Variants in TULP4 observed in about 807,000 individuals in gnomAD.
TULP4 encodes tubby-related protein 4.
TULP4 carries 16 observed loss-of-function variants against 129.0 expected under a neutral mutation model. The observed-to-expected ratio is 0.12, with a 90% CI of 0.08 to 0.19. The LOEUF (loss-of-function observed/expected upper bound fraction) is 0.19. TULP4 is among the 10% of genes least tolerant of loss of function. TULP4 has a pLI of 1.00. For missense variants in TULP4, 1,842 were observed against 2,059.1 expected (o/e 0.89, Z 2.04); for synonymous variants, 998 against 854.0 (o/e 1.17, Z -2.94).
chr6:158,438,874 T>G (rs1778815736), intron 3 of TULP4, among the ~76,000 whole-genome samples: 1 of 152,118 alleles, frequency 6.6e-6, no homozygotes, highest in Non-Finnish European at 1.5e-5. Context: ...AGATTTATAA[T>G]GAAAAGTAAT....
At position 158,493,580 on chromosome 6, in the gene TULP4, A is replaced by G; in HGVS notation, c.1639A>G (p.Ile547Val). 6.5e-7 allele frequency: 1 copy of G among 1,536,980 alleles called. No homozygotes were observed. The highest frequency in any genetic ancestry group is 8.8e-7 in the Non-Finnish European group (1 of 1,142,340). ...SKSPKLPRIS[I>V]EARKSPKLPR... ...CTGGCCTTGCCTCCCCAGGATCAGC[A>G]TTGAGGCCCGCAAGTCACCCAAGCT... The change falls in exon 10 of 14, where the codon ATT becomes GTT. Residue 547 changes from isoleucine to valine, a missense_variant. By Grantham distance (29) the Ile-to-Val change is conservative. Coordinates refer to ENST00000367097, the MANE Select transcript of TULP4 (RefSeq NM_020245.5). This position sits in a 1 kb window ranked among gnomAD's most constrained non-coding sequence, Gnocchi z 4.4.
intron 1 of TULP4, among the ~76,000 whole-genome samples, chr6:158,253,612 C>A (rs1778186351): frequency 6.6e-6 from 1 of 151,600 alleles, no homozygotes; most frequent in Admixed American, 6.6e-5. Flanking sequence ...TGAGCTTTCT[C>A]ATGGGTGACC....
Position 158,502,378 on chromosome 6 carries a change from C to G in TULP4, c.2715C>G (p.Thr905=), listed in dbSNP as rs778918038. The G allele has an allele frequency of 2.5e-6, 4 of 1,613,730 alleles. No individual in the cohort carries two copies. The highest frequency in any genetic ancestry group is 3.4e-6 in the Non-Finnish European group (4 of 1,179,980). Residue 905 remains threonine, a synonymous_variant, in exon 13 of 14, where the codon ACC becomes ACG. Coordinates refer to ENST00000367097, the MANE Select transcript of TULP4 (RefSeq NM_020245.5). Reference sequence around the variant, plus strand: ...TGGAGGAGGTGTGCCGGCCCCGCACCCGGATGCTGTGCTCCCAGAACACGT... The same window carrying G: ...TGGAGGAGGTGTGCCGGCCCCGCACGCGGATGCTGTGCTCCCAGAACACGT... ...GNVEEVCRPR[T]RMLCSQNTYT...
At chr6:158,235,059 TGA>T (rs1425062885) in intron 1 of TULP4, among the ~76,000 whole-genome samples, 2 of 151,936 alleles carry the variant, frequency 1.3e-5, no homozygotes, top group Non-Finnish European at 2.9e-5. Flanking sequence ...CCCAGCTACC[TGA>T]GAGGCAGAGG....
intron 1 of TULP4, among the ~76,000 whole-genome samples, chr6:158,352,307 T>G (rs554969044): frequency 6.6e-6 from 1 of 152,366 alleles, no homozygotes; most frequent in South Asian, 2.1e-4. Context: ...AATTAAAGGA[T>G]ATAAAGTGGT....
At chr6:158,326,866 T>C (rs1490721940) in intron 1 of TULP4, among the ~76,000 whole-genome samples, 1 of 152,198 alleles carries the variant, frequency 6.6e-6, no homozygotes, top group African/African-American at 2.4e-5. Flanking sequence ...ATATGTGGAA[T>C]TTTTTCAATC....
At chr6:158,481,346 A>G (rs1316484247) in intron 8 of TULP4, 57 bp downstream of exon 8, 3 of 1,468,308 alleles carry the variant, frequency 2.0e-6, no homozygotes, top group Non-Finnish European at 1.9e-6. Context: ...TGGGCTGTTA[A>G]CGCCTTACAC....
intron 5 of TULP4, among the ~76,000 whole-genome samples, chr6:158,460,994 G>A (rs1235628648): frequency 2.0e-5 from 3 of 151,782 alleles, no homozygotes; most frequent in African/African-American, 7.3e-5. Context: ...AACTTTATTA[G>A]ATCATGATTT....
chr6:158,428,494 T>C (rs1778554721), intron 2 of TULP4: 1 of 152,246 alleles, frequency 6.6e-6, no homozygotes, highest in African/African-American at 2.4e-5. Context: ...TAGTATGATA[T>C]GTAAAAATCC....
intron 1 of TULP4, among the ~76,000 whole-genome samples, chr6:158,376,515 C>A (rs1183874467): frequency 6.6e-6 from 1 of 152,224 alleles, no homozygotes; most frequent in African/African-American, 2.4e-5. Flanking sequence ...AGTCACACAA[C>A]ATCTCCTCCA....
chr6:158,504,493 C>A (rs1780552061), intron 13 of TULP4, among the ~76,000 whole-genome samples: 1 of 151,638 alleles, frequency 6.6e-6, no homozygotes, highest in South Asian at 2.1e-4. Flanking sequence ...ACTACACGTG[C>A]CCGCCACCAT....
rs1779411438 is a variant in TULP4, at chr6:158,313,486, G to A, written c.-531G>A. 1 of 400,348 alleles carries A rather than the reference G, an allele frequency of 2.5e-6. No homozygotes were observed. Among genetic ancestry groups the A allele is most frequent in the Non-Finnish European group, 4.4e-6 (1 of 227,382 alleles). The allele number at this position is 400,348 out of a possible 1,614,324, so 24.8% of individuals were successfully genotyped here. ...AACATGCTAGAGGGTGGCTTCAGAA[G>A]GAAGATGATCCTGTGTATTCTGTCT... On this transcript the variant is annotated 5_prime_UTR_variant, in exon 1 of 14. Transcript: ENST00000367097.
rs1778604502 is a variant in TULP4 at position 158,274,488 on chromosome 6, C to T, written n.69-37563C>T. The stretch of plus-strand genomic sequence containing the variant: ...ACCAGAACATTTCATTTAAACCTTC[C>T]AGTGGCGGCCGGGCGCAGTGGCTCA... On this transcript the variant is annotated intron_variant and non_coding_transcript_variant, in intron 1 of 1. Transcript: ENST00000620026. Among the ~76,000 whole-genome samples, 3 of 152,088 alleles carry T rather than the reference C, an allele frequency of 2.0e-5. No homozygotes were observed. In the South Asian group the frequency reaches 6.2e-4, roughly 32 times the overall value.
At chr6:158,329,070 A>G (rs139474836) in intron 1 of TULP4, among the ~76,000 whole-genome samples, 1 of 152,248 alleles carries the variant, frequency 6.6e-6, no homozygotes, top group Non-Finnish European at 1.5e-5. Context: ...GTCCACCCAC[A>G]ACCTTGACTC....
At chr6:158,440,213 G>C (rs776280913) in intron 3 of TULP4, among the ~76,000 whole-genome samples, 3 of 150,954 alleles carry the variant, frequency 2.0e-5, no homozygotes, top group Non-Finnish European at 1.5e-5. Flanking sequence ...AGCTACTGGG[G>C]AGGCTGAGGT....
chr6:158,494,903 G>GT, intron 11 of TULP4, 57 bp downstream of exon 11: 1 of 1,482,062 alleles, frequency 6.7e-7, no homozygotes, highest in Non-Finnish European at 9.4e-7. Flanking sequence ...AAAACGTCCA[G>GT]TTTCCACCTT....
intron 1 of TULP4, among the ~76,000 whole-genome samples, chr6:158,351,079 T>C (rs1462592784): frequency 6.6e-6 from 1 of 152,196 alleles, no homozygotes; most frequent in Non-Finnish European, 1.5e-5. Context: ...TCAGTGGCTG[T>C]GTATGCTTTC....
At chr6:158,482,012 C>T (rs1779957752) in intron 8 of TULP4, among the ~76,000 whole-genome samples, 1 of 152,204 alleles carries the variant, frequency 6.6e-6, no homozygotes, top group Non-Finnish European at 1.5e-5. Context: ...AAACTTTGCC[C>T]ATCACCTATG....
At chr6:158,429,009 A>G (rs969937086) in intron 2 of TULP4, among the ~76,000 whole-genome samples, 5 of 152,188 alleles carry the variant, frequency 3.3e-5, no homozygotes, top group Non-Finnish European at 7.3e-5. Flanking sequence ...TAGAGACAAT[A>G]CCTTGTTCTG....
Sources: gnomAD v4.1 joint callset for allele counts (sites outside exome capture counted in the v4.1 genomes callset) on GRCh38, gnomAD v4.1.1 for gene constraint, Gnocchi (gnomAD v3.1) non-coding constraint, MANE v1.5 for transcripts, NCBI Gene and HGNC (gene_info 2026-07-23, HGNC 2026-07-21) for gene names.